TMC2: variants seen among roughly 807,000 people sequenced by gnomAD.
TMC2 encodes the protein transmembrane channel like 2, also known as transmembrane channel-like protein 2.
TMC2 carries 102 observed loss-of-function variants against 105.9 expected under a neutral mutation model. The ratio of observed to expected loss-of-function variants is 0.96; its 90% confidence interval spans 0.82 to 1.14. The LOEUF (loss-of-function observed/expected upper bound fraction) is 1.14, where lower values mean the gene tolerates loss of function less well. Ranked by LOEUF, TMC2 falls within the 50% of genes most tolerant of loss-of-function variation. TMC2 has a pLI of 0.00. For missense variants in TMC2, 1,093 were observed against 1,134.3 expected (o/e 0.96, Z 0.52); for synonymous variants, 402 against 422.8 (o/e 0.95, Z 0.60).
At chr20:2,553,880 C>CTTTTG (rs1480820958) in intron 2 of TMC2, among the ~76,000 whole-genome samples, 2 of 151,918 alleles carry the variant, frequency 1.3e-5, no homozygotes, top group Admixed American at 6.6e-5. Flanking sequence ...CTTTATTATC[C>CTTTTG]TTTTGTTTTG....
At chr20:2,560,314 G>T (rs2086017012) in intron 3 of TMC2, among the ~76,000 whole-genome samples, 1 of 151,822 alleles carries the variant, frequency 6.6e-6, no homozygotes, top group African/African-American at 2.4e-5. Flanking sequence ...AACCTTCAAG[G>T]GCATCCTAAA....
chr20:2,545,847 AAGAAAGAG>A (rs2085921690), intron 2 of TMC2, among the ~76,000 whole-genome samples: 1 of 135,694 alleles, frequency 7.4e-6, no homozygotes, highest in African/African-American at 2.8e-5. Context: ...GAAAGAAAGA[AAGAAAGAG>A]AAAGAAAGAA....
rs1600145283 is a variant in TMC2, at chr20:2,637,530, T to C, written c.2442T>C (p.Asp814=). Residue 814 remains aspartate (D), a synonymous_variant, in exon 19 of 20, where the codon GAT becomes GAC. Transcript: ENST00000358864. Reference sequence around the variant, plus strand: ...TAAAAGGCAAAGCCACAGCCAGAGATTCAGAGGACACACCTAAAAGCAGCT... The same window carrying C: ...TAAAAGGCAAAGCCACAGCCAGAGACTCAGAGGACACACCTAAAAGCAGCT... The part of the protein sequence containing the change: ...KSVKGKATAR[D]SEDTPKSSSK... 1 of 1,614,016 alleles carries C rather than the reference T, an allele frequency of 6.2e-7. No individual in the cohort carries two copies.
chr20:2,637,400 A>AAAAG, intron 18 of TMC2, 74 bp from the exon 19 acceptor site: 1 of 892,028 alleles, frequency 1.1e-6, no homozygotes, highest in Admixed American at 2.3e-5. Flanking sequence ...AAAAAAAAAA[A>AAAAG]ATCACTCTCA....
intron 5 of TMC2, among the ~76,000 whole-genome samples, chr20:2,576,546 A>T (rs577313621): frequency 6.6e-6 from 1 of 152,256 alleles, no homozygotes; most frequent in African/African-American, 2.4e-5. Flanking sequence ...CCTATATTTT[A>T]TACTGATTTT....
chr20:2,597,341 T>A, intron 10 of TMC2, 43 bp downstream of exon 10: 1 of 1,587,698 alleles, frequency 6.3e-7, no homozygotes, highest in Non-Finnish European at 8.6e-7. Context: ...GAACTCTAGG[T>A]CCCTCTGGTC....
intron 8 of TMC2, among the ~76,000 whole-genome samples, chr20:2,593,643 T>C (rs2086284471): frequency 1.3e-5 from 2 of 152,130 alleles, no homozygotes; most frequent in African/African-American, 4.8e-5. Context: ...TTCCATCTCT[T>C]TTACCTTCAC....
chr20:2,634,983 T>C (rs1216953922), intron 17 of TMC2, among the ~76,000 whole-genome samples: 2 of 152,176 alleles, frequency 1.3e-5, no homozygotes, highest in Non-Finnish European at 2.9e-5. Flanking sequence ...GGCCTAGCCC[T>C]GAGGGGGAAG....
At position 2,616,960 on chromosome 20, in the gene TMC2, G is replaced by A; in HGVS notation, c.1941-112G>A. On this transcript the variant is annotated intron_variant, in intron 15 of 19. Transcript: ENST00000358864. This position sits in a 1 kb window ranked among gnomAD's most constrained non-coding sequence, Gnocchi z 4.8. ...GGCCCCTTACCTGGGGACTTGCCAG[G>A]AAAGCAGCTCGGCCTCATGCCCCTA... 1 of 1,304,098 alleles carries A rather than the reference G, an allele frequency of 7.7e-7. No homozygotes were observed. The highest frequency in any genetic ancestry group is 1.1e-6 in the Non-Finnish European group (1 of 939,620). The allele number at this position is 1,304,098 out of a possible 1,614,324, so 80.8% of individuals were successfully genotyped here.
intron 16 of TMC2, 45 bp downstream of exon 16, chr20:2,617,356 G>T (rs756885782): frequency 1.9e-6 from 3 of 1,611,602 alleles, no homozygotes; most frequent in Non-Finnish European, 2.5e-6. Context: ...TCCCGAGGCA[G>T]TCTGCTCAGA....
chr20:2,563,585 T>A (rs999081715), intron 4 of TMC2, among the ~76,000 whole-genome samples: 2 of 152,244 alleles, frequency 1.3e-5, no homozygotes, highest in African/African-American at 4.8e-5. Context: ...ATATATTGGA[T>A]ACCTGAAAAT....
intron 7 of TMC2, among the ~76,000 whole-genome samples, chr20:2,583,203 G>A (rs371757527): frequency 2.6e-5 from 4 of 152,118 alleles, no homozygotes; most frequent in Non-Finnish European, 4.4e-5. Context: ...CTTATGTAAC[G>A]CCTCCCTTTG....
intron 17 of TMC2, among the ~76,000 whole-genome samples, chr20:2,625,341 G>T (rs2086556668): frequency 6.6e-6 from 1 of 152,098 alleles, no homozygotes; most frequent in South Asian, 2.1e-4. Flanking sequence ...CTTCGTAATA[G>T]AAATAAAACA....
At chr20:2,617,049 G>A (rs751768326) in intron 15 of TMC2, 23 bp from the exon 16 acceptor site, 6 of 1,613,856 alleles carry the variant, frequency 3.7e-6, no homozygotes, top group African/African-American at 1.3e-5. Context: ...AGCCAACCAG[G>A]TGTTTGGTTT....
chr20:2,619,187 T>C lies in TMC2; in HGVS notation c.2180+1876T>C, dbSNP rs192899508. 3.3e-5 allele frequency among the ~76,000 whole-genome samples: 5 copies of C among 152,152 alleles called. No individual in the cohort carries two copies. In the East Asian group the frequency reaches 9.7e-4, roughly 29 times the overall value. ...CAGTTTGTCGGCTTTGGGTGATTTA[T>C]TAGGGGTAACTTACAGTCAGATGCA... On this transcript the variant is annotated intron_variant, in intron 16 of 19. Transcript: ENST00000358864.
intron 2 of TMC2, among the ~76,000 whole-genome samples, chr20:2,557,136 A>T (rs2085989912): frequency 6.6e-6 from 1 of 152,192 alleles, no homozygotes; most frequent in South Asian, 2.1e-4. Context: ...TTAATATTAG[A>T]AAATTCTTAG....
chr20:2,640,577 G>A (rs1384365990), intron 19 of TMC2, among the ~76,000 whole-genome samples: 1 of 152,034 alleles, frequency 6.6e-6, no homozygotes, highest in Non-Finnish European at 1.5e-5. Context: ...AGAGCTTAGG[G>A]GACACACCTG....
At chr20:2,572,917 G>A (rs2122858339) in intron 5 of TMC2, among the ~76,000 whole-genome samples, 1 of 151,760 alleles carries the variant, frequency 6.6e-6, no homozygotes, top group East Asian at 1.9e-4. Flanking sequence ...TTTACCTTTG[G>A]TTTTTTGTTT....
chr20:2,568,487 A>C (rs1310014458), intron 4 of TMC2, among the ~76,000 whole-genome samples: 1 of 152,200 alleles, frequency 6.6e-6, no homozygotes, highest in Admixed American at 6.5e-5. Context: ...GTCTGGACAC[A>C]GAGTCTGAAC....
Sources: allele counts gnomAD v4.1 joint callset (sites outside exome capture counted in the v4.1 genomes callset), GRCh38; gene constraint gnomAD v4.1.1; non-coding constraint Gnocchi (gnomAD v3.1); transcripts MANE v1.5; gene names NCBI Gene and HGNC (gene_info 2026-07-23, HGNC 2026-07-21).